Variants in SND1 observed in about 807,000 individuals in gnomAD.
SND1 encodes the protein staphylococcal nuclease and tudor domain containing 1.
In SND1, 38 loss-of-function variants were observed where a neutral mutation model predicts 121.7. The ratio of observed to expected loss-of-function variants is 0.31; its 90% CI spans 0.24 to 0.41. SND1 has a LOEUF of 0.41. Ranked by LOEUF, SND1 falls within the 10% of genes least tolerant of loss-of-function variation. The pLI is 1.00. For missense variants in SND1, 868 were observed against 1,184.6 expected (o/e 0.73, Z 3.92); for synonymous variants, 401 against 447.4 (o/e 0.90, Z 1.31).
intron 12 of SND1, among the ~76,000 whole-genome samples, chr7:127,867,964 T>C (rs1799510879): frequency 6.6e-6 from 1 of 152,180 alleles, no homozygotes; most frequent in African/African-American, 2.4e-5. Context: ...GAACATACAT[T>C]TCATCTGGTT....
At chr7:127,776,951 G>C (rs1021183158) in intron 10 of SND1, among the ~76,000 whole-genome samples, 1 of 152,174 alleles carries the variant, frequency 6.6e-6, no homozygotes, top group African/African-American at 2.4e-5. Flanking sequence ...GGGATCTGTG[G>C]GTTCAGGGAA....
At chr7:127,805,865 T>C (rs1798229008) in intron 10 of SND1, among the ~76,000 whole-genome samples, 1 of 152,308 alleles carries the variant, frequency 6.6e-6, no homozygotes, top group East Asian at 1.9e-4. Context: ...ACATCTAGGG[T>C]AGGGGTTAGT....
chr7:127,829,905 C>T (rs1202809955), intron 11 of SND1, among the ~76,000 whole-genome samples: 1 of 152,140 alleles, frequency 6.6e-6, no homozygotes, highest in African/African-American at 2.4e-5. Flanking sequence ...GAAGTGACTG[C>T]TTCATGGATA....
chr7:128,087,718 T>A (rs1793709367), intron 21 of SND1, among the ~76,000 whole-genome samples: 1 of 152,098 alleles, frequency 6.6e-6, no homozygotes, highest in Non-Finnish European at 1.5e-5. Flanking sequence ...AACCATGCGG[T>A]GTACAAGATT....
chr7:127,845,022 A>G (rs1440210983), intron 12 of SND1, among the ~76,000 whole-genome samples: 1 of 152,332 alleles, frequency 6.6e-6, no homozygotes, highest in East Asian at 1.9e-4. Flanking sequence ...CCCAATAGCA[A>G]TTCTTACTTT....
chr7:127,972,200 G>A (rs912502936), intron 15 of SND1, among the ~76,000 whole-genome samples: 1 of 152,152 alleles, frequency 6.6e-6, no homozygotes, highest in African/African-American at 2.4e-5. Flanking sequence ...TATCCTTTCC[G>A]ACCTCGGTCA....
intron 12 of SND1, chr7:127,858,018 A>G (rs1365536858): frequency 6.9e-7 from 1 of 1,451,674 alleles, no homozygotes; most frequent in African/African-American, 1.4e-5. Context: ...TCTCCCACTT[A>G]TATTCCCACA....
chr7:127,879,407 A>T (rs1799749966), intron 12 of SND1, among the ~76,000 whole-genome samples: 1 of 152,138 alleles, frequency 6.6e-6, no homozygotes, highest in Non-Finnish European at 1.5e-5. Context: ...TAGGTAGCCC[A>T]CATCCTCCAT....
At chr7:127,943,100 G>C (rs1341336172) in intron 15 of SND1, among the ~76,000 whole-genome samples, 3 of 152,122 alleles carry the variant, frequency 2.0e-5, no homozygotes, top group African/African-American at 7.2e-5. Context: ...GGTAGCTTTG[G>C]TTCCTTCAAC....
At chr7:127,945,504 T>A (rs977918454) in intron 15 of SND1, among the ~76,000 whole-genome samples, 4 of 149,672 alleles carry the variant, frequency 2.7e-5, no homozygotes, top group African/African-American at 2.4e-5. Context: ...AAAAAAAAAA[T>A]TTTTTTTTAG....
chr7:128,020,896 C>A (rs756960728), intron 16 of SND1, among the ~76,000 whole-genome samples: 2 of 152,182 alleles, frequency 1.3e-5, no homozygotes, highest in Non-Finnish European at 2.9e-5. Flanking sequence ...TGCCGTCTCT[C>A]CCCCTCATGA....
rs538197709 is a variant in SND1, at chr7:127,809,930, G to A, written c.1242+2357G>A. On this transcript the variant is annotated intron_variant, in intron 11 of 23. Transcript: ENST00000354725. ...ATACTTCTCTTGGAGGCTTTGTTTC[G>A]TAATTTGTGAACCGGGACTATTACT... Among the ~76,000 whole-genome samples, 27 of 152,220 alleles carry A rather than the reference G, an allele frequency of 1.8e-4. No individual in the cohort carries two copies. The South Asian group carries it at 2.5e-3, about 14-fold the overall frequency.
chr7:127,717,840 T>G (rs995033850), intron 9 of SND1, among the ~76,000 whole-genome samples: 6 of 152,162 alleles, frequency 3.9e-5, no homozygotes, highest in Non-Finnish European at 8.8e-5. Flanking sequence ...GAAGCTTTTT[T>G]GTTTGTTTTA....
chr7:127,968,504 T>C (rs1801905305), intron 15 of SND1, among the ~76,000 whole-genome samples: 1 of 152,352 alleles, frequency 6.6e-6, no homozygotes, highest in South Asian at 2.1e-4. Context: ...AAGGTTTGAT[T>C]AGACATCGAC....
At chr7:127,916,908 C>T (rs924678022) in intron 14 of SND1, among the ~76,000 whole-genome samples, 33 of 152,034 alleles carry the variant, frequency 2.2e-4, no homozygotes, top group Admixed American at 5.9e-4. Context: ...TTAGGAGTTT[C>T]GTAACAATAG....
At chr7:127,780,860 T>C (rs1370586075) in intron 10 of SND1, among the ~76,000 whole-genome samples, 1 of 152,248 alleles carries the variant, frequency 6.6e-6, no homozygotes, top group Non-Finnish European at 1.5e-5. Flanking sequence ...GGGATTTAGT[T>C]GCCTAAGGTG....
At chr7:128,026,197 G>C (rs952821633) in intron 16 of SND1, among the ~76,000 whole-genome samples, 1 of 152,196 alleles carries the variant, frequency 6.6e-6, no homozygotes, top group Non-Finnish European at 1.5e-5. Context: ...TCCTAGCCAA[G>C]TCCCACCCTT....
chr7:127,923,971 G>A (rs936162627), intron 14 of SND1, among the ~76,000 whole-genome samples: 5 of 145,046 alleles, frequency 3.4e-5, no homozygotes, highest in Admixed American at 6.9e-5. Context: ...TTAACGATTC[G>A]TTCTGATCTC....
rs147566733 is a variant in SND1 at position 128,029,916 on chromosome 7, C to T, written c.1779+38860C>T. On this transcript the variant is annotated intron_variant, in intron 16 of 23. Transcript: ENST00000354725. This position sits in a 1 kb window ranked among gnomAD's most constrained non-coding sequence, Gnocchi z 4.2. ...CATGACCCAGAGCTTCTTGAGGGAG[C>T]TCAGGCCATGGAAGGAGCCAGGCCT... 1.3e-4 allele frequency: 213 copies of T among 1,613,218 alleles called. No homozygotes were observed. The highest frequency in any genetic ancestry group is 1.1e-3 in the South Asian group (99 of 91,086).
Sources: gnomAD v4.1 joint callset for allele counts (sites outside exome capture counted in the v4.1 genomes callset) on GRCh38, gnomAD v4.1.1 for gene constraint, Gnocchi (gnomAD v3.1) non-coding constraint, MANE v1.5 for transcripts, NCBI Gene and HGNC (gene_info 2026-07-23, HGNC 2026-07-21) for gene names.